Variants in TSPAN9 observed in about 807,000 individuals in gnomAD.
The protein encoded by TSPAN9 is tetraspanin 9.
In TSPAN9, 16 loss-of-function variants were observed where a neutral mutation model predicts 31.0. That is an observed-to-expected ratio of 0.52 (90% CI 0.35 to 0.78). TSPAN9 has a LOEUF of 0.78. TSPAN9 is among the 30% of genes least tolerant of loss of function. The probability of loss-of-function intolerance (pLI) is 0.01; values close to 1 mark genes in which losing one functional copy is unlikely to be tolerated. For synonymous variants in TSPAN9, 145 were observed against 121.6 expected (o/e 1.19, Z -1.27); for missense variants, 272 against 312.5 (o/e 0.87, Z 0.98).
At chr12:3,196,664 G>A (rs1251685952) in intron 2 of TSPAN9, among the ~76,000 whole-genome samples, 2 of 152,164 alleles carry the variant, frequency 1.3e-5, no homozygotes, top group East Asian at 1.9e-4. Flanking sequence ...CTTCACTACA[G>A]CTTTGCTCAG....
At chr12:3,236,066 C>T (rs1355222917) in intron 3 of TSPAN9, among the ~76,000 whole-genome samples, 2 of 152,220 alleles carry the variant, frequency 1.3e-5, no homozygotes, top group South Asian at 4.1e-4. Flanking sequence ...TAGGGGCAGG[C>T]TCTGCTGTTG....
At chr12:3,206,116 C>A (rs2098375026) in intron 3 of TSPAN9, among the ~76,000 whole-genome samples, 1 of 152,210 alleles carries the variant, frequency 6.6e-6, no homozygotes, top group African/African-American at 2.4e-5. Flanking sequence ...ACAGAAAACA[C>A]CCTCCGGCCT....
chr12:3,229,486 C>T (rs1232877072), intron 3 of TSPAN9, among the ~76,000 whole-genome samples: 2 of 152,242 alleles, frequency 1.3e-5, no homozygotes, highest in African/African-American at 4.8e-5. Context: ...ATTCTCTCTC[C>T]CTTGTCGTCC....
rs1234467948 is a variant in TSPAN9 at position 3,192,559 on chromosome 12, A to G, written c.-17-8618A>G. Among the ~76,000 whole-genome samples, 1 of 152,162 alleles carries G rather than the reference A, an allele frequency of 6.6e-6. No individual in the cohort carries two copies. The highest frequency in any genetic ancestry group is 6.5e-5 in the Admixed American group (1 of 15,282). The stretch of plus-strand genomic sequence containing the variant: ...TAAGCCATTTGTTGAGAAGGAGCGG[A>G]TAGTGCCAGGGAGCACATCCGGGGC... On this transcript the variant is annotated intron_variant, in intron 2 of 8. Transcript: ENST00000011898. This position sits in a 1 kb window ranked among gnomAD's most constrained non-coding sequence, Gnocchi z 4.6.
chr12:3,179,716 A>AT (rs1451084619), intron 2 of TSPAN9, among the ~76,000 whole-genome samples: 2 of 152,196 alleles, frequency 1.3e-5, no homozygotes, highest in African/African-American at 4.8e-5. Flanking sequence ...GAATCCATGA[A>AT]TAAAGAGTCC....
At chr12:3,152,305 C>G (rs1434973969) in intron 2 of TSPAN9, among the ~76,000 whole-genome samples, 2 of 152,248 alleles carry the variant, frequency 1.3e-5, no homozygotes, top group Non-Finnish European at 2.9e-5. Flanking sequence ...CACCCAGCTC[C>G]TCCCTCACCT....
chr12:3,245,413 T>C (rs1374577154), intron 3 of TSPAN9, among the ~76,000 whole-genome samples: 3 of 152,126 alleles, frequency 2.0e-5, no homozygotes, highest in African/African-American at 7.2e-5. Flanking sequence ...TGGTTTTCAG[T>C]GTTCTTTTTC....
chr12:3,180,952 C>T (rs747562307), intron 2 of TSPAN9, among the ~76,000 whole-genome samples: 10 of 151,512 alleles, frequency 6.6e-5, no homozygotes, highest in Non-Finnish European at 1.5e-4. Flanking sequence ...AGGTACCGCA[C>T]GGCTCAGATG....
intron 3 of TSPAN9, among the ~76,000 whole-genome samples, chr12:3,219,848 T>TTAAA (rs1555153924): frequency 7.4e-6 from 1 of 135,918 alleles, no homozygotes; most frequent in Admixed American, 7.4e-5. Flanking sequence ...CTTAAACTAT[T>TTAAA]AAAAAAAAAA....
intron 2 of TSPAN9, among the ~76,000 whole-genome samples, chr12:3,111,950 A>C (rs2098318997): frequency 6.6e-6 from 1 of 152,050 alleles, no homozygotes; most frequent in African/African-American, 2.4e-5. Flanking sequence ...TTTTTATCTC[A>C]CCATGAGGAG....
intron 3 of TSPAN9, among the ~76,000 whole-genome samples, chr12:3,271,099 A>G (rs572822748): frequency 1.3e-4 from 20 of 152,222 alleles, no homozygotes; most frequent in Non-Finnish European, 2.5e-4. Flanking sequence ...TGTAATGTTT[A>G]TTTGGAGGAA....
chr12:3,279,462 CAAG>C (rs1352403291), intron 5 of TSPAN9, among the ~76,000 whole-genome samples: 1 of 152,218 alleles, frequency 6.6e-6, no homozygotes, highest in African/African-American at 2.4e-5. Flanking sequence ...CCATGAAAAA[CAAG>C]GAGGAACTCT....
intron 3 of TSPAN9, among the ~76,000 whole-genome samples, chr12:3,246,396 C>T (rs1415010058): frequency 3.3e-5 from 5 of 152,156 alleles, no homozygotes; most frequent in Non-Finnish European, 7.4e-5. Context: ...CAGCTCCCCA[C>T]CCCACTCTTT....
chr12:3,080,375 G>A (rs1000636127), intron 1 of TSPAN9, among the ~76,000 whole-genome samples: 1 of 152,004 alleles, frequency 6.6e-6, no homozygotes, highest in Non-Finnish European at 1.5e-5. Context: ...TCACTCTGTC[G>A]CCCAGGCTGG....
At chr12:3,220,067 C>A (rs1268947169) in intron 3 of TSPAN9, among the ~76,000 whole-genome samples, 2 of 151,236 alleles carry the variant, frequency 1.3e-5, no homozygotes. Context: ...ATTGCTTGAA[C>A]CCGGGAGGCG....
chr12:3,222,268 A>G (rs1317385937), intron 3 of TSPAN9, among the ~76,000 whole-genome samples: 1 of 152,144 alleles, frequency 6.6e-6, no homozygotes, highest in Non-Finnish European at 1.5e-5. Context: ...CATTTCCTAT[A>G]CACAGGGCCC....
intron 3 of TSPAN9, among the ~76,000 whole-genome samples, chr12:3,264,911 G>A (rs1862514033): frequency 1.3e-5 from 2 of 152,142 alleles, no homozygotes; most frequent in Admixed American, 6.5e-5. Flanking sequence ...AACTTTAACC[G>A]GGTCTACCTG....
At chr12:3,199,652 C>T (rs1469988911) in intron 2 of TSPAN9, among the ~76,000 whole-genome samples, 5 of 152,202 alleles carry the variant, frequency 3.3e-5, no homozygotes, top group Non-Finnish European at 7.4e-5. Flanking sequence ...CCAGCCGCCG[C>T]AGCGTCCCAA....
Position 3,143,818 on chromosome 12 carries a change from C to T in TSPAN9, c.-17-57359C>T, listed in dbSNP as rs569047688. Reference sequence around the variant, plus strand: ...CTTTCTGGCACAAGATGCTCCGGGTCGTGTTATGTTTCTCCTGCCCCAGGC... The same window carrying T: ...CTTTCTGGCACAAGATGCTCCGGGTTGTGTTATGTTTCTCCTGCCCCAGGC... On this transcript the variant is annotated intron_variant, in intron 2 of 8. Coordinates refer to ENST00000011898, the MANE Select transcript of TSPAN9 (RefSeq NM_006675.5). The surrounding 1 kb of genome is among the most constrained non-coding windows in gnomAD (Gnocchi z 4.2). 9.2e-5 allele frequency among the ~76,000 whole-genome samples: 14 copies of T among 152,250 alleles called. No homozygotes were observed. In the South Asian group the frequency reaches 2.1e-3, roughly 23 times the overall value.
Sources: gnomAD v4.1 joint callset for allele counts (sites outside exome capture counted in the v4.1 genomes callset) on GRCh38, gnomAD v4.1.1 for gene constraint, Gnocchi (gnomAD v3.1) non-coding constraint, MANE v1.5 for transcripts, NCBI Gene and HGNC (gene_info 2026-07-23, HGNC 2026-07-21) for gene names.